The following ABCA9 variants were observed in gnomAD, a reference collection of about 807,000 sequenced individuals.
ABCA9 encodes ATP-binding cassette sub-family A member 9.
In ABCA9, 183 loss-of-function variants were observed where a neutral mutation model predicts 205.3. The ratio of observed to expected loss-of-function variants is 0.89; its 90% CI spans 0.79 to 1.01. The LOEUF is 1.01. ABCA9 is among the 50% of genes least tolerant of loss of function. The pLI is 0.00. For synonymous variants in ABCA9, 651 were observed against 683.3 expected, an observed-to-expected ratio of 0.95 and a Z score of 0.74; for missense variants, 1,805 against 1,912.4, an observed-to-expected ratio of 0.94 and a Z score of 1.05.
At chr17:69,064,768 C>T (rs1426771541), upstream of ABCA9, among the ~76,000 whole-genome samples, 4 of 152,130 alleles carry the variant, frequency 2.6e-5, no homozygotes, top group Non-Finnish European at 5.9e-5. Context: ...GTAAATTTTA[C>T]CAGTCTGATT....
rs927409664 is a variant in ABCA9 at position 69,017,857 on chromosome 17, A to C, written c.2768-68T>G. The C allele has an allele frequency of 2.0e-6, 3 of 1,513,304 alleles. No individual in the cohort carries two copies. In the African/African-American group the frequency reaches 4.1e-5, roughly 21 times the overall value. The allele number at this position is 1,513,304 out of a possible 1,614,324, so 93.7% of individuals were successfully genotyped here. ...ACAATAGTCAAGTAATATTAAAAAT[A>C]CATTACATCACACAAAGCATATCAC... On this transcript the variant is annotated intron_variant, in intron 20 of 38. Transcript: ENST00000340001.
At chr17:69,039,658 G>T (rs2071469574) in intron 6 of ABCA9, among the ~76,000 whole-genome samples, 1 of 152,122 alleles carries the variant, frequency 6.6e-6, no homozygotes, top group Non-Finnish European at 1.5e-5. Flanking sequence ...AAGACTTCAT[G>T]ACTAAAACAC....
chr17:69,069,108 C>T, the ABCA9 span, among the ~76,000 whole-genome samples: 1 of 152,288 alleles, frequency 6.6e-6, no homozygotes, highest in African/African-American at 2.4e-5. Context: ...AGTCATTATT[C>T]GCTTTCTTGC....
intron 7 of ABCA9, 98 bp from the exon 8 acceptor site, chr17:69,035,529 C>T (rs2071303858): frequency 4.4e-6 from 6 of 1,363,006 alleles, no homozygotes; most frequent in Non-Finnish European, 5.8e-6. Flanking sequence ...TATATTTTTC[C>T]ACCCCTAGAC....
chr17:69,007,982 C>G lies in ABCA9; in HGVS notation c.3321+80G>C. 5 of 1,472,282 alleles carry G rather than the reference C, an allele frequency of 3.4e-6. No individual in the cohort carries two copies. The South Asian group carries it at 6.2e-5, about 18-fold the overall frequency. The allele number at this position is 1,472,282 out of a possible 1,614,324, so 91.2% of individuals were successfully genotyped here. On this transcript the variant is annotated intron_variant, in intron 24 of 38. Coordinates refer to ENST00000340001, the MANE Select transcript of ABCA9 (RefSeq NM_080283.4). ...GCAATAGCACAGGTAATTTGAAGTT[C>G]TTTGGTTTAAGATTAATGATATTAC... is the stretch of plus-strand genomic sequence containing the variant.
At chr17:68,980,908 G>GTATAATAA (rs2069031171) in intron 37 of ABCA9, among the ~76,000 whole-genome samples, 2 of 148,796 alleles carry the variant, frequency 1.3e-5, no homozygotes, top group South Asian at 4.2e-4. Flanking sequence ...AAAACTTGAA[G>GTATAATAA]TATAATAATA....
At chr17:69,077,492 G>A in the ABCA9 span, among the ~76,000 whole-genome samples, 1 of 152,308 alleles carries the variant, frequency 6.6e-6, no homozygotes, top group South Asian at 2.1e-4. Context: ...GCTGATCAGT[G>A]AAGTGTTCTA....
chr17:68,980,503 C>T (rs1244474363), intron 37 of ABCA9, among the ~76,000 whole-genome samples: 1 of 152,038 alleles, frequency 6.6e-6, no homozygotes, highest in African/African-American at 2.4e-5. Flanking sequence ...TATTGCGGCA[C>T]TATTCACAAT....
intron 18 of ABCA9, chr17:69,020,912 T>A (rs2070787095): frequency 4.5e-6 from 1 of 221,124 alleles, no homozygotes; most frequent in East Asian, 1.2e-4. Flanking sequence ...CACTTAGTAT[T>A]TCTGACCAAG....
intron 25 of ABCA9, among the ~76,000 whole-genome samples, chr17:69,005,366 G>A (rs1490438027): frequency 1.3e-5 from 2 of 152,170 alleles, no homozygotes; most frequent in African/African-American, 2.4e-5. Context: ...CACCCTATTA[G>A]ACGTTGGGCC....
intron 22 of ABCA9, among the ~76,000 whole-genome samples, chr17:69,012,773 G>T (rs1555631640): frequency 6.6e-6 from 1 of 152,056 alleles, no homozygotes; most frequent in Non-Finnish European, 1.5e-5. Flanking sequence ...TTAAGTATAT[G>T]ATTAAATTAT....
At chr17:68,996,566 C>T (rs7213306) in intron 25 of ABCA9, among the ~76,000 whole-genome samples, 12,780 of 152,210 alleles carry the variant, frequency 0.084, 1,766 homozygotes, top group African/African-American at 0.29. Context: ...TTTATGTGCA[C>T]TTAAAATTTT....
chr17:69,077,477 T>C, the ABCA9 span, among the ~76,000 whole-genome samples: 1 of 152,206 alleles, frequency 6.6e-6, no homozygotes, highest in African/African-American at 2.4e-5. Context: ...GAATGTATAT[T>C]CTGTGCTGAT....
intron 25 of ABCA9, among the ~76,000 whole-genome samples, chr17:69,003,249 C>A (rs1287716326): frequency 6.6e-6 from 1 of 152,102 alleles, no homozygotes; most frequent in African/African-American, 2.4e-5. Context: ...TTTGCAGAGG[C>A]TGGTACCAGT....
chr17:69,029,567 T>C (rs1054386496), intron 10 of ABCA9, among the ~76,000 whole-genome samples: 2 of 151,772 alleles, frequency 1.3e-5, no homozygotes, highest in Non-Finnish European at 2.9e-5. Flanking sequence ...GATACTATGG[T>C]GGAAAAAAGA....
intron 25 of ABCA9, among the ~76,000 whole-genome samples, chr17:68,996,956 T>G (rs1360838258): frequency 6.6e-6 from 1 of 152,220 alleles, no homozygotes; most frequent in Non-Finnish European, 1.5e-5. Context: ...TTTGATGGAG[T>G]CTTGCCCTGT....
intron 13 of ABCA9, 76 bp from the exon 14 acceptor site, chr17:69,027,525 C>A: frequency 1.3e-6 from 2 of 1,564,566 alleles, no homozygotes; most frequent in Non-Finnish European, 1.7e-6. Context: ...CTGTTCTTTA[C>A]AAAGGGCCTT....
chr17:69,010,933 G>A (rs774053059), intron 23 of ABCA9, among the ~76,000 whole-genome samples: 5 of 152,154 alleles, frequency 3.3e-5, no homozygotes, highest in Admixed American at 6.5e-5. Context: ...TTTTGCCCAT[G>A]TGTGAAATAT....
the ABCA9 span, among the ~76,000 whole-genome samples, chr17:69,069,645 T>G: frequency 0.88 from 133,060 of 150,588 alleles, 59,258 homozygotes; most frequent in Non-Finnish European, 0.95. Context: ...GAGTAAAGCC[T>G]GCACTAGATC....
Sources: gnomAD v4.1 joint callset for allele counts (sites outside exome capture counted in the v4.1 genomes callset) on GRCh38, gnomAD v4.1.1 for gene constraint, MANE v1.5 for transcripts, NCBI Gene and HGNC (gene_info 2026-07-23, HGNC 2026-07-21) for gene names.